The following MMAA variants were observed in gnomAD, a reference collection of about 807,000 sequenced individuals.
MMAA encodes metabolism of cobalamin associated A, also known as methylmalonic aciduria type A protein, mitochondrial.
In MMAA, 41 loss-of-function variants were observed where a neutral mutation model predicts 45.0. The observed-to-expected ratio is 0.91, with a 90% CI of 0.71 to 1.18. The LOEUF is 1.18. Ranked by LOEUF, MMAA falls within the 50% of genes most tolerant of loss-of-function variation. MMAA has a pLI of 0.00. For missense variants in MMAA, 460 were observed against 495.7 expected (o/e 0.93, Z 0.68); for synonymous variants, 154 against 178.2 (o/e 0.86, Z 1.08).
intron 3 of MMAA, 90 bp downstream of exon 3, chr4:145,642,575 A>C (rs1160064170): frequency 1.9e-6 from 3 of 1,560,894 alleles, no homozygotes; most frequent in Admixed American, 1.7e-5. Flanking sequence ...GTGACCTCTA[A>C]CTGCTAGCTA....
intron 4 of MMAA, among the ~76,000 whole-genome samples, chr4:145,647,806 A>C (rs1178758115): frequency 6.6e-6 from 1 of 152,170 alleles, no homozygotes; most frequent in Admixed American, 6.5e-5. Flanking sequence ...CTCCAGATAA[A>C]GTCACCTTGA....
chr4:145,626,048 T>C (rs1329789847), intron 1 of MMAA: 9 of 1,164,780 alleles, frequency 7.7e-6, no homozygotes, highest in Non-Finnish European at 1.1e-5. Context: ...TGCTCACAGC[T>C]CCAGGTCCCA....
In MMAA at chr4:145,639,279, T is replaced by C. The variant is rs1727710015; in HGVS notation, c.140T>C (p.Leu47Pro). ...CCATGTGCTCAGCCGTTTAATTCTC[T>C]TGGACTCCATTGTACAAAGTGGATG... ...GIPCAQPFNS[L>P]GLHCTKWMLL... The change falls in exon 2 of 7, where the codon CTT becomes CCT. Residue 47 changes from leucine (L) to proline (P), a missense_variant. By Grantham distance (98) the Leu-to-Pro change is moderately conservative (BLOSUM62 -3). Transcript: ENST00000649156. 1 of 1,614,214 alleles carries C rather than the reference T, an allele frequency of 6.2e-7. No homozygotes were observed.
At chr4:145,645,873 A>T in intron 3 of MMAA, 113 bp from the exon 4 acceptor site, 1 of 920,834 alleles carries the variant, frequency 1.1e-6, no homozygotes, top group East Asian at 2.6e-5. Context: ...AGTAATATGA[A>T]ATGCAGTTTG....
chr4:145,633,391 T>C (rs2126613020), intron 1 of MMAA, among the ~76,000 whole-genome samples: 1 of 151,682 alleles, frequency 6.6e-6, no homozygotes. Flanking sequence ...AGAGACGGGG[T>C]TTCACCATGT....
chr4:145,626,113 C>T (rs1734201587), intron 1 of MMAA: 1 of 588,362 alleles, frequency 1.7e-6, no homozygotes, highest in Non-Finnish European at 3.0e-6. Flanking sequence ...CACGGCCCCA[C>T]ACAAACCTAG....
intron 5 of MMAA, among the ~76,000 whole-genome samples, chr4:145,651,393 G>A (rs1404908805): frequency 6.6e-6 from 1 of 152,170 alleles, no homozygotes; most frequent in Non-Finnish European, 1.5e-5. Context: ...TAACATGACT[G>A]AAATACATGG....
At chr4:145,652,114 G>C (rs1006315959) in intron 5 of MMAA, among the ~76,000 whole-genome samples, 1 of 152,020 alleles carries the variant, frequency 6.6e-6, no homozygotes, top group African/African-American at 2.4e-5. Flanking sequence ...AGACAAATCA[G>C]GACCATCCAA....
Position 145,626,044 on chromosome 4 carries a change from C to T in MMAA, c.-66+6637C>T, listed in dbSNP as rs2126608184. 3 of 1,206,006 alleles carry T rather than the reference C, an allele frequency of 2.5e-6. No individual in the cohort carries two copies. In the South Asian group the frequency reaches 4.3e-5, roughly 17 times the overall value. 74.7% of individuals were successfully genotyped at this position (1,206,006 alleles called of 1,614,324 possible). ...TCTTGGAAGGTATTCATTCTGCTCA[C>T]AGCTCCAGGTCCCAGTGCCTCTCTG... On this transcript the variant is annotated intron_variant, in intron 1 of 6. Transcript: ENST00000649156.
chr4:145,639,419 A>G lies in MMAA; in HGVS notation c.280A>G (p.Ile94Val). 6.2e-7 allele frequency: 1 copy of G among 1,614,226 alleles called. No individual in the cohort carries two copies. Among genetic ancestry groups the G allele is most frequent in the Non-Finnish European group, 8.5e-7 (1 of 1,180,044 alleles). ...RFVDKLYTGLIQGQRACLAEA... is the reference protein window; with the variant it reads ...RFVDKLYTGLVQGQRACLAEA... ...TGTGGATAAACTTTATACTGGTTTA[A>G]TCCAAGGGCAAAGGGCCTGTTTAGC... The change falls in exon 2 of 7, where the codon ATC becomes GTC. Residue 94 changes from isoleucine to valine, a missense_variant. Ile to Val is a conservative substitution (Grantham distance 29, BLOSUM62 3). Transcript: ENST00000649156.
chr4:145,649,071 T>C (rs1010471940), intron 4 of MMAA, among the ~76,000 whole-genome samples: 1 of 151,198 alleles, frequency 6.6e-6, no homozygotes, highest in Non-Finnish European at 1.5e-5. Context: ...GAAGGATTGC[T>C]TGAGCCCAGG....
intron 1 of MMAA, among the ~76,000 whole-genome samples, chr4:145,629,985 CTTTGG>C (rs1163930547): frequency 6.6e-6 from 1 of 151,922 alleles, no homozygotes; most frequent in African/African-American, 2.4e-5. Flanking sequence ...TTTGGAATGT[CTTTGG>C]TTTGGGTATC....
rs554604284 is a variant in MMAA, at chr4:145,655,307, A to T, written c.1130A>T (p.Glu377Val). 6.8e-6 allele frequency: 11 copies of T among 1,614,216 alleles called. No individual in the cohort carries two copies. The South Asian group carries it at 9.9e-5, about 15-fold the overall frequency. ...MWNLIQESVL[E>V]HFRTHPTVRE... ...AATCTCATTCAGGAAAGTGTGTTAG[A>T]GCATTTCAGGACCCACCCCACAGTC... The change falls in exon 7 of 7, where the codon GAG becomes GTG. Residue 377 changes from glutamate to valine, a missense_variant. Glu to Val is a moderately radical substitution (Grantham distance 121). Transcript: ENST00000649156.
intron 1 of MMAA, among the ~76,000 whole-genome samples, chr4:145,628,819 A>C (rs570977973): frequency 9.5e-4 from 145 of 152,332 alleles, no homozygotes; most frequent in African/African-American, 3.4e-3. Flanking sequence ...ACAACATAAA[A>C]GCACCATAAT....
chr4:145,629,815 T>C (rs550031889), intron 1 of MMAA, among the ~76,000 whole-genome samples: 1 of 152,214 alleles, frequency 6.6e-6, no homozygotes, highest in Admixed American at 6.5e-5. Flanking sequence ...CTTGTGAGAC[T>C]CATTCACTAT....
In MMAA at chr4:145,651,066, G is replaced by A. The variant is rs1305263307; in HGVS notation, c.738G>A (p.Val246=). Residue 246 remains valine (V), a synonymous_variant, in exon 5 of 7, where the codon GTG becomes GTA. Transcript: ENST00000649156. ...AGTTGTGATTTACAATTTCAGGTGT[G>A]GGTCAGTCGGAGTTTGCTGTTGCTG... The part of the protein sequence containing the change: ...YDIILIETVG[V]GQSEFAVADM... The A allele has an allele frequency of 6.2e-7, 1 of 1,613,912 alleles. No homozygotes were observed. Among genetic ancestry groups the A allele is most frequent in the South Asian group, 1.1e-5 (1 of 91,082 alleles).
chr4:145,621,600 G>A (rs78141173), intron 1 of MMAA, among the ~76,000 whole-genome samples: 1 of 152,162 alleles, frequency 6.6e-6, no homozygotes, highest in Non-Finnish European at 1.5e-5. Flanking sequence ...GTTGGGGGGG[G>A]TGGAATATGG....
Position 145,646,045 on chromosome 4 carries a change from A to G in MMAA, c.622A>G (p.Ile208Val), listed in dbSNP as rs773516780. 2.5e-6 allele frequency: 4 copies of G among 1,614,164 alleles called. No individual in the cohort carries two copies. The highest frequency in any genetic ancestry group is 1.3e-5 in the African/African-American group (1 of 75,064). ...TELSRDMNAY[I>V]RPSPTRGTLG... Reference sequence around the variant, plus strand: ...GTTATCAAGAGATATGAATGCATACATCAGGCCATCTCCTACTAGAGGAAC... The same window carrying G: ...GTTATCAAGAGATATGAATGCATACGTCAGGCCATCTCCTACTAGAGGAAC... The change falls in exon 4 of 7, where the codon ATC (isoleucine) becomes GTC (valine). Residue 208 changes from isoleucine to valine, a missense_variant. Physicochemically the swap from Ile to Val is conservative, Grantham distance 29 (BLOSUM62 3). Coordinates refer to ENST00000649156, the MANE Select transcript of MMAA (RefSeq NM_172250.3).
intron 1 of MMAA, among the ~76,000 whole-genome samples, chr4:145,630,889 T>C (rs899825726): frequency 6.6e-6 from 1 of 152,244 alleles, no homozygotes; most frequent in Non-Finnish European, 1.5e-5. Flanking sequence ...TTCAATGTCC[T>C]TAATTTCTTC....
Sources: gnomAD v4.1 joint callset for allele counts (sites outside exome capture counted in the v4.1 genomes callset) on GRCh38, gnomAD v4.1.1 for gene constraint, MANE v1.5 for transcripts, NCBI Gene and HGNC (gene_info 2026-07-23, HGNC 2026-07-21) for gene names.